GRID2: variants seen among roughly 807,000 people sequenced by gnomAD.
The protein encoded by GRID2 is glutamate receptor ionotropic, delta-2.
GRID2 carries 33 observed loss-of-function variants against 114.8 expected under a neutral mutation model. That is an observed-to-expected ratio of 0.29 (90% CI 0.22 to 0.38). The LOEUF (loss-of-function observed/expected upper bound fraction) is 0.38, where lower values mean the gene tolerates loss of function less well. Among genes scored for constraint, GRID2 ranks in the 10% least tolerant of loss-of-function variants. GRID2 has a pLI of 1.00. For synonymous variants in GRID2, 505 were observed against 449.9 expected (o/e 1.12, Z -1.55); for missense variants, 1,184 against 1,257.7 (o/e 0.94, Z 0.89).
At chr4:93,136,022 T>A (rs2149380622) in intron 4 of GRID2, among the ~76,000 whole-genome samples, 1 of 152,296 alleles carries the variant, frequency 6.6e-6, no homozygotes, top group African/African-American at 2.4e-5. Flanking sequence ...ACTATTCAAA[T>A]TAATTACAGG....
At chr4:93,401,602 G>A (rs1026041798) in intron 9 of GRID2, among the ~76,000 whole-genome samples, 1 of 152,050 alleles carries the variant, frequency 6.6e-6, no homozygotes, top group African/African-American at 2.4e-5. Flanking sequence ...ACCTCCAAAA[G>A]AAAAGGCAGT....
At chr4:93,592,048 C>T (rs1226683400) in intron 13 of GRID2, among the ~76,000 whole-genome samples, 1 of 152,126 alleles carries the variant, frequency 6.6e-6, no homozygotes, top group Non-Finnish European at 1.5e-5. Flanking sequence ...TTTTGTGTCT[C>T]TATTTCCTTC....
intron 1 of GRID2, among the ~76,000 whole-genome samples, chr4:92,447,574 A>C (rs1733537270): frequency 6.6e-6 from 1 of 152,222 alleles, no homozygotes; most frequent in South Asian, 2.1e-4. Flanking sequence ...TTCTTATCTT[A>C]GTCCACTTGG....
intron 14 of GRID2, among the ~76,000 whole-genome samples, chr4:93,687,577 GAAGA>G (rs1726184168): frequency 6.6e-6 from 1 of 151,980 alleles, no homozygotes; most frequent in South Asian, 2.1e-4. Context: ...GAGGGCACTT[GAAGA>G]AAGAAATTCA....
intron 1 of GRID2, among the ~76,000 whole-genome samples, chr4:92,397,104 T>G (rs2110272040): frequency 6.6e-6 from 1 of 152,154 alleles, no homozygotes; most frequent in Non-Finnish European, 1.5e-5. Flanking sequence ...AGTTGAATCA[T>G]TACATTCTTG....
chr4:92,649,430 T>G lies in GRID2; in HGVS notation c.244+59144T>G, dbSNP rs116339624. On this transcript the variant is annotated intron_variant, in intron 2 of 15. Coordinates refer to ENST00000282020, the MANE Select transcript of GRID2 (RefSeq NM_001510.4). ...TTGCCCTTCTTCTGCCTTTTTTTTT[T>G]CTTTTCAGACCCTCAACTGATTGGA... is the stretch of plus-strand genomic sequence containing the variant. Among the ~76,000 whole-genome samples the G allele has an allele frequency of 7.8e-3, 1,187 of 151,470 alleles. 19 individuals are homozygous for G. The highest frequency in any genetic ancestry group is 0.028 in the African/African-American group (1,141 of 41,306).
intron 2 of GRID2, among the ~76,000 whole-genome samples, chr4:92,940,442 G>A (rs1168965271): frequency 6.6e-6 from 1 of 151,292 alleles, no homozygotes; most frequent in Non-Finnish European, 1.5e-5. Context: ...TGCTGAAGTT[G>A]CTTATCAGCT....
At chr4:93,555,857 C>T (rs1734267402) in intron 13 of GRID2, among the ~76,000 whole-genome samples, 1 of 152,164 alleles carries the variant, frequency 6.6e-6, no homozygotes, top group African/African-American at 2.4e-5. Context: ...TATAGGAGCA[C>T]TCCACCTGGC....
chr4:93,436,201 A>AT (rs1275021433), intron 10 of GRID2, among the ~76,000 whole-genome samples: 3 of 152,034 alleles, frequency 2.0e-5, no homozygotes, highest in Admixed American at 6.6e-5. Flanking sequence ...CTCAGCTGTG[A>AT]TTTTTTTGTG....
intron 9 of GRID2, among the ~76,000 whole-genome samples, chr4:93,409,958 C>G (rs1766944926): frequency 6.6e-6 from 1 of 152,156 alleles, no homozygotes; most frequent in Non-Finnish European, 1.5e-5. Flanking sequence ...TCGACAGAGT[C>G]ATTTGCAAAT....
intron 14 of GRID2, among the ~76,000 whole-genome samples, chr4:93,705,566 A>G (rs908481942): frequency 1.3e-5 from 2 of 151,788 alleles, no homozygotes; most frequent in African/African-American, 4.8e-5. Flanking sequence ...TGAGCTCCCT[A>G]TATATTCTGG....
chr4:92,812,330 T>C (rs1018983023), intron 2 of GRID2, among the ~76,000 whole-genome samples: 2 of 152,096 alleles, frequency 1.3e-5, no homozygotes, highest in African/African-American at 4.8e-5. Flanking sequence ...GAAAATGATC[T>C]GCCAAATCGG....
intron 2 of GRID2, among the ~76,000 whole-genome samples, chr4:92,781,201 A>G (rs1477854926): frequency 6.6e-6 from 1 of 151,968 alleles, no homozygotes; most frequent in Non-Finnish European, 1.5e-5. Context: ...AGCTGAGATC[A>G]CACCACTGCA....
exon 2 of GRID2, chr4:93,809,024 A>T (rs1009103527): frequency 1.3e-5 from 2 of 152,154 alleles, no homozygotes; most frequent in African/African-American, 4.8e-5. Flanking sequence ...CCTGATGCCA[A>T]CCTGACTCTT....
chr4:93,418,546 A>T (rs1348498480), intron 9 of GRID2, among the ~76,000 whole-genome samples: 2 of 152,066 alleles, frequency 1.3e-5, no homozygotes, highest in Non-Finnish European at 2.9e-5. Context: ...TGCATCTGAA[A>T]ATTCTAGTAT....
At chr4:92,652,910 A>G (rs1189185627) in intron 2 of GRID2, among the ~76,000 whole-genome samples, 2 of 141,530 alleles carry the variant, frequency 1.4e-5, no homozygotes, top group Non-Finnish European at 3.1e-5. Flanking sequence ...ATAAATATAT[A>G]TTTATAAATA....
At chr4:92,389,824 A>G (rs1730155241) in intron 1 of GRID2, among the ~76,000 whole-genome samples, 1 of 152,100 alleles carries the variant, frequency 6.6e-6, no homozygotes. Context: ...GATTTGTCAT[A>G]TAGTTTCATT....
At chr4:93,474,652 G>C (rs564738137) in intron 11 of GRID2, among the ~76,000 whole-genome samples, 1 of 152,060 alleles carries the variant, frequency 6.6e-6, no homozygotes, top group Non-Finnish European at 1.5e-5. Flanking sequence ...AAGAAATGGC[G>C]CATGTACTTG....
chr4:93,448,779 C>T (rs956200924), intron 10 of GRID2, among the ~76,000 whole-genome samples: 1 of 148,528 alleles, frequency 6.7e-6, no homozygotes, highest in Non-Finnish European at 1.5e-5. Flanking sequence ...AATTAGTAGT[C>T]TTGGCCCTCC....
Sources: allele counts gnomAD v4.1 joint callset (sites outside exome capture counted in the v4.1 genomes callset), GRCh38; gene constraint gnomAD v4.1.1; transcripts MANE v1.5; gene names NCBI Gene and HGNC (gene_info 2026-07-23, HGNC 2026-07-21).